Variants in RBFOX1 observed in about 807,000 individuals in gnomAD.
The protein encoded by RBFOX1 is RNA binding fox-1 homolog 1.
A neutral mutation model predicts 57.7 loss-of-function variants in RBFOX1; 8 were observed. The observed-to-expected ratio is 0.14, with a 90% CI of 0.08 to 0.25. The LOEUF is 0.25. RBFOX1 is among the 10% of genes least tolerant of loss of function. The pLI is 1.00. For synonymous variants in RBFOX1, 326 were observed against 222.4 expected, an observed-to-expected ratio of 1.47 and a Z score of -4.15; for missense variants, 611 against 548.5, an observed-to-expected ratio of 1.11 and a Z score of -1.14.
intron 2 of RBFOX1, among the ~76,000 whole-genome samples, chr16:5,545,657 A>AT (rs1464995027): frequency 6.6e-6 from 1 of 152,132 alleles, no homozygotes; most frequent in South Asian, 2.1e-4. Flanking sequence ...TCTATTCTCA[A>AT]TTAAAAAAAA....
intron 4 of RBFOX1, among the ~76,000 whole-genome samples, chr16:7,062,134 G>A (rs6500909): frequency 2.0e-5 from 3 of 151,556 alleles, no homozygotes; most frequent in African/African-American, 4.8e-5. Context: ...TGGCTAACAC[G>A]GTGAAACCCC....
At chr16:6,386,696 A>T (rs991872749) in intron 2 of RBFOX1, among the ~76,000 whole-genome samples, 1 of 152,242 alleles carries the variant, frequency 6.6e-6, no homozygotes, top group African/African-American at 2.4e-5. Context: ...GACACATAGT[A>T]GGAACTCAAG....
chr16:5,862,595 G>T (rs982364209), intron 3 of RBFOX1, among the ~76,000 whole-genome samples: 1 of 152,152 alleles, frequency 6.6e-6, no homozygotes, highest in Non-Finnish European at 1.5e-5. Context: ...TGCAGGGAGC[G>T]CTGTCTAGGA....
chr16:5,800,626 C>G (rs183889146), intron 3 of RBFOX1, among the ~76,000 whole-genome samples: 1 of 152,216 alleles, frequency 6.6e-6, no homozygotes, highest in Non-Finnish European at 1.5e-5. Context: ...CTCAGGGACA[C>G]TTTTAGTGGC....
intron 2 of RBFOX1, among the ~76,000 whole-genome samples, chr16:6,611,119 C>A (rs1238300998): frequency 6.6e-6 from 1 of 152,050 alleles, no homozygotes; most frequent in Non-Finnish European, 1.5e-5. Flanking sequence ...TTGGAGATGA[C>A]AAAGTGGACT....
intron 1 of RBFOX1, among the ~76,000 whole-genome samples, chr16:5,323,737 A>G (rs557482207): frequency 2.0e-5 from 3 of 152,210 alleles, no homozygotes; most frequent in African/African-American, 7.2e-5. Flanking sequence ...ATTCATCTTC[A>G]ACAAAACCGA....
intron 4 of RBFOX1, among the ~76,000 whole-genome samples, chr16:7,390,403 A>G (rs1183417486): frequency 6.6e-6 from 1 of 152,202 alleles, no homozygotes; most frequent in Non-Finnish European, 1.5e-5. Context: ...TGAGATTTCG[A>G]TACTTGGAGT....
At chr16:6,586,311 C>T (rs960984069) in intron 2 of RBFOX1, among the ~76,000 whole-genome samples, 1 of 152,272 alleles carries the variant, frequency 6.6e-6, no homozygotes, top group African/African-American at 2.4e-5. Flanking sequence ...GCATAGATGA[C>T]AGAAGAAACA....
intron 4 of RBFOX1, among the ~76,000 whole-genome samples, chr16:5,918,894 T>A (rs2058761606): frequency 1.3e-5 from 2 of 152,320 alleles, no homozygotes; most frequent in Middle Eastern, 3.4e-3. Context: ...AAAAGTCGTC[T>A]TTAGGTCCAG....
intron 3 of RBFOX1, among the ~76,000 whole-genome samples, chr16:5,728,043 G>T (rs1156981460): frequency 6.6e-6 from 1 of 152,122 alleles, no homozygotes; most frequent in African/African-American, 2.4e-5. Context: ...AGTGAGCTTT[G>T]GTAGTATTTG....
intron 2 of RBFOX1, among the ~76,000 whole-genome samples, chr16:6,484,265 T>C (rs990604983): frequency 6.6e-6 from 1 of 152,174 alleles, no homozygotes; most frequent in Non-Finnish European, 1.5e-5. Context: ...ATTTGCGAAG[T>C]TGGCATGCTC....
intron 3 of RBFOX1, among the ~76,000 whole-genome samples, chr16:6,736,041 T>C (rs1184321451): frequency 2.0e-5 from 3 of 149,980 alleles, no homozygotes; most frequent in Admixed American, 6.7e-5. Flanking sequence ...TTCAGCATGG[T>C]TACCCCAATA....
In RBFOX1 at chr16:6,013,914, A is replaced by AATT. The variant is rs2094977202; in HGVS notation, c.351+146579_351+146580insATT. On this transcript the variant is annotated intron_variant, in intron 4 of 19. Coordinates refer to the RBFOX1 transcript ENST00000641259. ...ACTCACAGGTGGGAATTGAACAATG[A>AATT]GAACACTTGGACACAGCAAGGGGAA... Among the ~76,000 whole-genome samples the AATT allele has an allele frequency of 2.7e-5, 4 of 146,554 alleles. No homozygotes were observed. The Admixed American group carries it at 2.7e-4, about 10-fold the overall frequency.
At position 5,991,659 on chromosome 16, in the gene RBFOX1, T is replaced by C. The variant is rs868507452; in HGVS notation, c.351+124324T>C. ...ATTATTAGATAGTTTTTTTTTTTTTTTTTTTTTCTTTTTTTGGAAGTTCTA... is the reference window on the plus strand; with the variant it reads ...ATTATTAGATAGTTTTTTTTTTTTTCTTTTTTTCTTTTTTTGGAAGTTCTA... On this transcript the variant is annotated intron_variant, in intron 4 of 19. Transcript: ENST00000641259. 4.9e-3 allele frequency among the ~76,000 whole-genome samples: 742 copies of C among 150,868 alleles called. 13 individuals carry two copies. Among genetic ancestry groups the C allele is most frequent in the African/African-American group, 0.018 (729 of 41,058 alleles).
chr16:6,678,954 GA>G (rs1328672517), intron 3 of RBFOX1, among the ~76,000 whole-genome samples: 2 of 152,200 alleles, frequency 1.3e-5, no homozygotes, highest in East Asian at 3.9e-4. Context: ...CAGTATAATT[GA>G]ATCATACAGT....
At chr16:7,141,939 G>A (rs895788525) in intron 4 of RBFOX1, among the ~76,000 whole-genome samples, 1 of 152,106 alleles carries the variant, frequency 6.6e-6, no homozygotes, top group Non-Finnish European at 1.5e-5. Context: ...CCCTTAAGAT[G>A]TTTCAGCGGG....
At chr16:6,360,899 T>G (rs897545851) in intron 2 of RBFOX1, among the ~76,000 whole-genome samples, 4 of 152,176 alleles carry the variant, frequency 2.6e-5, no homozygotes, top group African/African-American at 9.7e-5. Flanking sequence ...TTGACATTGT[T>G]TGAGCCGAAG....
At chr16:7,489,567 A>G (rs887082665) in intron 4 of RBFOX1, among the ~76,000 whole-genome samples, 12 of 151,998 alleles carry the variant, frequency 7.9e-5, no homozygotes, top group Non-Finnish European at 1.0e-4. Context: ...CCAGGCTGGA[A>G]TGCGGTGGTA....
At chr16:5,301,238 A>C (rs1024901009) in intron 1 of RBFOX1, among the ~76,000 whole-genome samples, 1 of 152,152 alleles carries the variant, frequency 6.6e-6, no homozygotes, top group Non-Finnish European at 1.5e-5. Flanking sequence ...TTCACATGGC[A>C]GGGAATTGAG....
Sources: allele counts gnomAD v4.1 joint callset (sites outside exome capture counted in the v4.1 genomes callset), GRCh38; gene constraint gnomAD v4.1.1; transcripts MANE v1.5; gene names NCBI Gene and HGNC (gene_info 2026-07-23, HGNC 2026-07-21).